Variants in GBA2 observed in about 807,000 individuals in gnomAD.
GBA2 encodes non-lysosomal glucosylceramidase.
Under a neutral mutation model 112.9 loss-of-function variants are expected in GBA2, and 79 were observed. The ratio of observed to expected loss-of-function variants is 0.70; its 90% CI spans 0.58 to 0.84. GBA2 has a LOEUF of 0.84. Ranked by LOEUF, GBA2 falls within the 40% of genes least tolerant of loss-of-function variation. The pLI is 0.00. For synonymous variants in GBA2, 403 were observed against 434.3 expected (o/e 0.93, Z 0.90); for missense variants, 1,043 against 1,190.0 (o/e 0.88, Z 1.82).
chr9:35,738,149 C>T lies in GBA2; in HGVS notation c.2201G>A (p.Arg734His), dbSNP rs142621039. The T allele has an allele frequency of 5.9e-4, 955 of 1,613,488 alleles. 10 individuals are homozygous for T. The Middle Eastern group carries it at 0.028, about 47-fold the overall frequency. ...AGAGCTGCTGTCATAGTTGTAATAGCGGCCTGGAGTCGAGGAAGAGAAAAA... is the reference window on the plus strand; with the variant it reads ...AGAGCTGCTGTCATAGTTGTAATAGTGGCCTGGAGTCGAGGAAGAGAAAAA... Reference protein sequence around the residue: ...EAYERLLWNGRYYNYDSSSRP... With the variant: ...EAYERLLWNGHYYNYDSSSRP... The change falls in exon 15 of 17, where the codon CGC becomes CAC. Residue 734 changes from arginine to histidine, a missense_variant. Arg to His is a conservative substitution (Grantham distance 29). Transcript: ENST00000378103.
In GBA2 at chr9:35,736,900, C is replaced by A. The variant is rs1255720313; in HGVS notation, c.*269G>T. On this transcript the variant is annotated 3_prime_UTR_variant, in exon 17 of 17. Transcript: ENST00000378103. ...GGGTCTTTTATTTGTACCCATGTGT[C>A]TGTCACACCATGAATGTACCTGGGG... 22 of 733,240 alleles carry A rather than the reference C, an allele frequency of 3.0e-5. No individual in the cohort carries two copies. The highest frequency in any genetic ancestry group is 4.8e-5 in the Non-Finnish European group (22 of 455,592). The allele number at this position is 733,240 out of a possible 1,614,324, so 45.4% of individuals were successfully genotyped here. A position where few individuals can be genotyped will look rare whatever the true frequency, so the allele number is the denominator to read the frequency against.
Position 35,748,751 on chromosome 9 carries a change from G to T in GBA2, c.-47C>A. The T allele has an allele frequency of 8.3e-7, 1 of 1,205,788 alleles. No homozygotes were observed. The highest frequency in any genetic ancestry group is 1.2e-6 in the Non-Finnish European group (1 of 858,564). The allele number at this position is 1,205,788 out of a possible 1,614,324, so 74.7% of individuals were successfully genotyped here. ...CGAGCCCTCGGATACTAAGTATCTC[G>T]CCAGCCTATTCCAGATGCGGGCGCC... On this transcript the variant is annotated 5_prime_UTR_variant, in exon 1 of 17. Transcript: ENST00000378103.
intron 12 of GBA2, 55 bp from the exon 13 acceptor site, chr9:35,738,687 G>A: frequency 1.9e-6 from 3 of 1,599,724 alleles, no homozygotes; most frequent in Non-Finnish European, 2.6e-6. Context: ...GCAACAACCA[G>A]CTAGGCTCTT....
At position 35,737,363 on chromosome 9, in the gene GBA2, C is replaced by T; in HGVS notation, c.2590G>A (p.Glu864Lys). The T allele has an allele frequency of 6.2e-7, 1 of 1,614,208 alleles. No individual in the cohort carries two copies. The highest frequency in any genetic ancestry group is 1.1e-5 in the South Asian group (1 of 91,086). ...AACACTCGCTGCTGGCAGTATGCCTCTGGGGTCTGGAAGGCCAGACCCAGG... is the reference window on the plus strand; with the variant it reads ...AACACTCGCTGCTGGCAGTATGCCTTTGGGGTCTGGAAGGCCAGACCCAGG... The part of the protein sequence containing the change: ...ERLGLAFQTP[E>K]AYCQQRVFRS... Residue 864 changes from glutamate (E) to lysine (K), a missense_variant, in exon 17 of 17, where the codon GAG (glutamate) becomes AAG (lysine). Transcript: ENST00000378103. The surrounding 1 kb of genome is among the most constrained non-coding windows in gnomAD (Gnocchi z 4.1).
chr9:35,748,464 C>G lies in GBA2; in HGVS notation c.241G>C (p.Val81Leu). 6.2e-7 allele frequency: 1 copy of G among 1,614,148 alleles called. No homozygotes were observed. The highest frequency in any genetic ancestry group is 8.5e-7 in the Non-Finnish European group (1 of 1,179,978). Residue 81 changes from valine to leucine, a missense_variant, in exon 1 of 17, where the codon GTG becomes CTG. Val to Leu is a conservative substitution (Grantham distance 32, BLOSUM62 1). Transcript: ENST00000378103. ...CAGATGCGCCAGCCAAAGGGAGGCA[C>G]CTGGTAGCCCATAGCTTTACCCTCA... ...SYEGKAMGYQ[V>L]PPFGWRICLA...
intron 1 of GBA2, among the ~76,000 whole-genome samples, chr9:35,747,872 A>T (rs1452950813): frequency 2.0e-5 from 3 of 152,262 alleles, no homozygotes; most frequent in Non-Finnish European, 4.4e-5. Context: ...TGAAGAAAGA[A>T]GCAGTAGTGT....
In GBA2 at chr9:35,748,678, C is replaced by T. The variant is rs1827131573; in HGVS notation, c.27G>A (p.Met9Ile). MGTQDPGN[M>I]GTGVPASEQI... ...GCTCCGAGGCTGGGACGCCGGTTCC[C>T]ATGTTCCCTGGATCCTGGGTCCCCA... Residue 9 changes from methionine (M) to isoleucine (I), a missense_variant, in exon 1 of 17, where the codon ATG becomes ATA. By Grantham distance (10) the Met-to-Ile change is conservative. Transcript: ENST00000378103. 1.3e-6 allele frequency: 2 copies of T among 1,581,372 alleles called. No homozygotes were observed. Among genetic ancestry groups the T allele is most frequent in the Non-Finnish European group, 1.7e-6 (2 of 1,160,540 alleles).
chr9:35,741,553 CT>C lies in GBA2; in HGVS notation c.786+118del. The stretch of plus-strand genomic sequence containing the variant: ...GATCTCATGATCCGCCTGCCTTGGC[CT>C]CCCAAAGTGTTGGGATTACAGGCGT... On this transcript the variant is annotated intron_variant, in intron 4 of 16. Coordinates refer to ENST00000378103, the MANE Select transcript of GBA2 (RefSeq NM_020944.3). The surrounding 1 kb of genome is among the most constrained non-coding windows in gnomAD (Gnocchi z 4.6). The C allele has an allele frequency of 1.3e-6, 1 of 759,744 alleles. No homozygotes were observed. Among genetic ancestry groups the C allele is most frequent in the East Asian group, 2.5e-5 (1 of 40,760 alleles). The allele number at this position is 759,744 out of a possible 1,614,324, so 47.1% of individuals were successfully genotyped here.
rs763206049 is a variant in GBA2 at position 35,740,889 on chromosome 9, C to T, written c.962G>A (p.Gly321Glu). 2 of 1,613,776 alleles carry T rather than the reference C, an allele frequency of 1.2e-6. No homozygotes were observed. The highest frequency in any genetic ancestry group is 1.7e-6 in the Non-Finnish European group (2 of 1,179,884). ...AAGGGTTGGATGATGCAGGAGCAGC[C>T]CCCGGACAGTTTCCCCGCTACGCTC... ...CLERSGETVR[G>E]LLLHHPTLPN... The change falls in exon 5 of 17, where the codon GGG (glycine) becomes GAG (glutamate). Residue 321 changes from glycine (G) to glutamate (E), a missense_variant. Coordinates refer to ENST00000378103, the MANE Select transcript of GBA2 (RefSeq NM_020944.3). This position sits in a 1 kb window ranked among gnomAD's most constrained non-coding sequence, Gnocchi z 4.7.
In GBA2 at chr9:35,749,210, C is replaced by T. The variant is rs151298312; in HGVS notation, c.-506G>A. 1,529 of 438,306 alleles carry T rather than the reference C, an allele frequency of 3.5e-3. 21 individuals are homozygous for T. The highest frequency in any genetic ancestry group is 0.027 in the African/African-American group (1,326 of 49,468). The allele number at this position is 438,306 out of a possible 1,614,324, so 27.2% of individuals were successfully genotyped here. A position where few individuals can be genotyped will look rare whatever the true frequency, so the allele number is the denominator to read the frequency against. Reference sequence around the variant, plus strand: ...AAGGTGACCCTGGGCGCCGGGATGACCCGAGCCCTTTCCGGTCTGGCCTGC... The same window carrying T: ...AAGGTGACCCTGGGCGCCGGGATGATCCGAGCCCTTTCCGGTCTGGCCTGC... On this transcript the variant is annotated 5_prime_UTR_variant, in exon 1 of 17. Coordinates refer to ENST00000378103, the MANE Select transcript of GBA2 (RefSeq NM_020944.3). The surrounding 1 kb of genome is among the most constrained non-coding windows in gnomAD (Gnocchi z 4.4).
chr9:35,744,299 G>C lies in GBA2; in HGVS notation c.565C>G (p.Gln189Glu). 1 of 1,582,104 alleles carries C rather than the reference G, an allele frequency of 6.3e-7. No individual in the cohort carries two copies. The highest frequency in any genetic ancestry group is 2.2e-5 in the East Asian group (1 of 44,716). The change falls in exon 3 of 17, where the codon CAA (glutamine) becomes GAA (glutamate). Residue 189 changes from glutamine (Q) to glutamate (E), a missense_variant and splice_region_variant. Transcript: ENST00000378103. The stretch of plus-strand genomic sequence containing the variant: ...CCTCTCCACCTCCTGGCTCTTACTT[G>C]GTCAGCGATGACTGTCCGGTGCTGA... ...MYQHRTVIAD[Q>E]FTVCLRREGQ...
In GBA2 at chr9:35,746,693, G is replaced by A. The variant is rs1368578768; in HGVS notation, c.359+1653C>T. On this transcript the variant is annotated intron_variant, in intron 1 of 16. Transcript: ENST00000378103. This position sits in a 1 kb window ranked among gnomAD's most constrained non-coding sequence, Gnocchi z 5.2. ...GACAGGAAGGCAGAGAATCCTCTCT[G>A]CCAGCTTAGAGAAAACCGGACTTTG... Among the ~76,000 whole-genome samples, 2 of 152,334 alleles carry A rather than the reference G, an allele frequency of 1.3e-5. No homozygotes were observed. Among genetic ancestry groups the A allele is most frequent in the East Asian group, 3.9e-4 (2 of 5,190 alleles).
chr9:35,739,893 A>ATG, intron 8 of GBA2, 93 bp from the exon 9 acceptor site: 1 of 1,534,458 alleles, frequency 6.5e-7, no homozygotes, highest in Non-Finnish European at 9.0e-7. Context: ...TCATCAAATG[A>ATG]ATCCCAGTGC....
Position 35,740,745 on chromosome 9 carries a change from T to C in GBA2, c.1026+80A>G. On this transcript the variant is annotated intron_variant, in intron 5 of 16. Coordinates refer to ENST00000378103, the MANE Select transcript of GBA2 (RefSeq NM_020944.3). The surrounding 1 kb of genome is among the most constrained non-coding windows in gnomAD (Gnocchi z 4.7). ...CCAGGCCCAGGGGCTTACAGGAGTA[T>C]GATGAGGGTGGATGAAGAGACCATG... 6.4e-7 allele frequency: 1 copy of C among 1,569,388 alleles called. No homozygotes were observed. The highest frequency in any genetic ancestry group is 8.7e-7 in the Non-Finnish European group (1 of 1,143,510).
chr9:35,747,456 A>T (rs1349112938), intron 1 of GBA2, among the ~76,000 whole-genome samples: 2 of 151,558 alleles, frequency 1.3e-5, no homozygotes, highest in Non-Finnish European at 2.9e-5. Flanking sequence ...GGCCCTTCCC[A>T]CTCCCCAGGG....
chr9:35,737,895 A>G lies in GBA2; in HGVS notation c.2358T>C (p.Phe786=). 1.2e-6 allele frequency: 2 copies of G among 1,613,504 alleles called. No homozygotes were observed. The highest frequency in any genetic ancestry group is 8.5e-7 in the Non-Finnish European group (1 of 1,180,014). Residue 786 remains phenylalanine (F), a synonymous_variant, in exon 16 of 17, where the codon TTT becomes TTC. Coordinates refer to ENST00000378103, the MANE Select transcript of GBA2 (RefSeq NM_020944.3). The surrounding 1 kb of genome is among the most constrained non-coding windows in gnomAD (Gnocchi z 4.1). The stretch of plus-strand genomic sequence containing the variant: ...CTGCAAAGGCCTGGACGTTCAGCTC[A>G]AAGATAGTTTGGAGAGCACGGACCA... ...QHVVRALQTI[F]ELNVQAFAGG... is the part of the protein sequence containing the mutation.
At position 35,737,251 on chromosome 9, in the gene GBA2, G is replaced by A. The variant is rs754527190; in HGVS notation, c.2702C>T (p.Pro901Leu). 1 of 1,613,720 alleles carries A rather than the reference G, an allele frequency of 6.2e-7. No individual in the cohort carries two copies. The highest frequency in any genetic ancestry group is 8.5e-7 in the Non-Finnish European group (1 of 1,180,036). The stretch of plus-strand genomic sequence containing the variant: ...TAGTCCTGTGCCCTGTTTGACTTTT[G>A]GCCAGGAGGCCTTTTTGTGCTGCTG... ...QQQQHKKASW[P>L]KVKQGTGLRT... Residue 901 changes from proline to leucine, a missense_variant, in exon 17 of 17, where the codon CCA (proline) becomes CTA (leucine). Coordinates refer to ENST00000378103, the MANE Select transcript of GBA2 (RefSeq NM_020944.3). The surrounding 1 kb of genome is among the most constrained non-coding windows in gnomAD (Gnocchi z 4.1).
Position 35,739,436 on chromosome 9 carries a change from GAC to G in GBA2, c.1583-19_1583-18del. 1 of 1,547,326 alleles carries G rather than the reference GAC, an allele frequency of 6.5e-7. No individual in the cohort carries two copies. Among genetic ancestry groups the G allele is most frequent in the Non-Finnish European group, 8.9e-7 (1 of 1,119,260 alleles). ...ACTCCTGGCCTGGAGGAATGAATGA[GAC>G]ACACTGTTGCCAGAATTCCTGCTTC... On this transcript the variant is annotated intron_variant, in intron 9 of 16. Coordinates refer to ENST00000378103, the MANE Select transcript of GBA2 (RefSeq NM_020944.3).
rs373784058 is a variant in GBA2 at position 35,738,229 on chromosome 9, C to T, written c.2197+3G>A. ...TAAGACTACTTAGGCTCCCCGAACT[C>T]ACCATTCCACAGCAGTCTCTCATAG... On this transcript the variant is annotated splice_donor_region_variant and intron_variant, in intron 14 of 16. Transcript: ENST00000378103. 287 of 1,614,098 alleles carry T rather than the reference C, an allele frequency of 1.8e-4. No individual in the cohort carries two copies. Among genetic ancestry groups the T allele is most frequent in the Non-Finnish European group, 2.3e-4 (272 of 1,180,040 alleles).
Sources: gnomAD v4.1 joint callset for allele counts (sites outside exome capture counted in the v4.1 genomes callset) on GRCh38, gnomAD v4.1.1 for gene constraint, Gnocchi (gnomAD v3.1) non-coding constraint, MANE v1.5 for transcripts, NCBI Gene and HGNC (gene_info 2026-07-23, HGNC 2026-07-21) for gene names.